RNF2: variants seen among roughly 807,000 people sequenced by gnomAD.
RNF2 encodes the protein ring finger protein 2.
RNF2 carries 6 observed loss-of-function variants against 37.2 expected under a neutral mutation model. The observed-to-expected ratio is 0.16, with a 90% CI of 0.09 to 0.32. The LOEUF (loss-of-function observed/expected upper bound fraction) is 0.32, where lower values mean the gene tolerates loss of function less well. RNF2 is among the 10% of genes least tolerant of loss of function. The probability of loss-of-function intolerance (pLI) is 1.00; values close to 1 mark genes in which losing one functional copy is unlikely to be tolerated. For synonymous variants in RNF2, 133 were observed against 132.7 expected (o/e 1.00, Z -0.02); for missense variants, 251 against 404.0 (o/e 0.62, Z 3.25).
chr1:185,055,460 C>T (rs1196383668), intron 1 of RNF2, among the ~76,000 whole-genome samples: 2 of 151,964 alleles, frequency 1.3e-5, no homozygotes, highest in Non-Finnish European at 2.9e-5. Context: ...TCACTTTGCT[C>T]CTCAGGCTGG....
intron 1 of RNF2, among the ~76,000 whole-genome samples, chr1:185,077,512 T>C (rs1355986203): frequency 1.3e-5 from 2 of 152,210 alleles, no homozygotes; most frequent in African/African-American, 2.4e-5. Flanking sequence ...ACGACTTTTA[T>C]TAGAAATAGT....
intron 1 of RNF2, among the ~76,000 whole-genome samples, chr1:185,076,293 T>G (rs1651158661): frequency 3.8e-5 from 3 of 78,288 alleles, no homozygotes; most frequent in African/African-American, 1.4e-4. Flanking sequence ...TTTTTTTTTT[T>G]TTTTTTTTTT....
chr1:185,082,524 A>T (rs1050140458), intron 1 of RNF2, among the ~76,000 whole-genome samples: 3 of 146,252 alleles, frequency 2.1e-5, no homozygotes, highest in African/African-American at 5.0e-5. Context: ...TAATTTTTTT[A>T]TTTTTTTTTT....
chr1:185,054,052 C>G (rs982301526), intron 1 of RNF2, among the ~76,000 whole-genome samples: 1 of 152,032 alleles, frequency 6.6e-6, no homozygotes, highest in Non-Finnish European at 1.5e-5. Context: ...AACATCTTCA[C>G]AAATGACTTT....
At chr1:185,051,956 A>ATG (rs1313643419) in intron 1 of RNF2, among the ~76,000 whole-genome samples, 2 of 147,386 alleles carry the variant, frequency 1.4e-5, no homozygotes, top group Non-Finnish European at 3.0e-5. Context: ...ATTTTTACAT[A>ATG]TATATATATA....
intron 1 of RNF2, among the ~76,000 whole-genome samples, chr1:185,059,352 A>C (rs886209883): frequency 1.3e-5 from 2 of 152,190 alleles, no homozygotes; most frequent in Admixed American, 1.3e-4. Context: ...TTTTGCCTTA[A>C]AACTGCTAAA....
intron 1 of RNF2, among the ~76,000 whole-genome samples, chr1:185,061,891 T>C (rs1257902686): frequency 6.6e-6 from 1 of 152,194 alleles, no homozygotes; most frequent in African/African-American, 2.4e-5. Context: ...GGTTTAAATT[T>C]ACAAATGAGG....
chr1:185,049,198 C>G (rs1028916676), intron 1 of RNF2, among the ~76,000 whole-genome samples: 1 of 152,090 alleles, frequency 6.6e-6, no homozygotes, highest in Non-Finnish European at 1.5e-5. Flanking sequence ...TCCTGGGTGA[C>G]GGAGCGAGAC....
intron 1 of RNF2, among the ~76,000 whole-genome samples, chr1:185,054,389 C>T (rs1273750271): frequency 6.6e-6 from 1 of 152,160 alleles, no homozygotes; most frequent in Non-Finnish European, 1.5e-5. Flanking sequence ...CCGGAGAGGA[C>T]GTGTCAAGGC....
At chr1:185,056,918 T>C (rs1029643300) in intron 1 of RNF2, among the ~76,000 whole-genome samples, 1 of 152,256 alleles carries the variant, frequency 6.6e-6, no homozygotes, top group Non-Finnish European at 1.5e-5. Flanking sequence ...TATATTTTGC[T>C]CTATTTTCCT....
At chr1:185,047,239 G>T (rs974943818) in intron 1 of RNF2, among the ~76,000 whole-genome samples, 3 of 152,182 alleles carry the variant, frequency 2.0e-5, no homozygotes, top group Non-Finnish European at 4.4e-5. Context: ...AAAATTGCCC[G>T]AGTCAGGCCA....
intron 1 of RNF2, among the ~76,000 whole-genome samples, chr1:185,055,464 A>G (rs1214515754): frequency 6.6e-6 from 1 of 152,046 alleles, no homozygotes; most frequent in Non-Finnish European, 1.5e-5. Flanking sequence ...TTTGCTCCTC[A>G]GGCTGGAGTG....
chr1:185,049,689 G>A (rs1213019926), intron 1 of RNF2, among the ~76,000 whole-genome samples: 2 of 151,698 alleles, frequency 1.3e-5, no homozygotes, highest in African/African-American at 2.4e-5. Flanking sequence ...AAAAGCGGGG[G>A]AGGGGGGAAC....
intron 1 of RNF2, among the ~76,000 whole-genome samples, chr1:185,062,006 G>T (rs1352079316): frequency 6.6e-6 from 1 of 152,206 alleles, no homozygotes; most frequent in Non-Finnish European, 1.5e-5. Flanking sequence ...GAAAATTTGT[G>T]CTTACTCCTG....
chr1:185,070,918 T>C (rs1650954030), intron 1 of RNF2, among the ~76,000 whole-genome samples: 1 of 152,200 alleles, frequency 6.6e-6, no homozygotes, highest in Non-Finnish European at 1.5e-5. Flanking sequence ...ATTACAGGCG[T>C]GAGCCACTGC....
intron 1 of RNF2, among the ~76,000 whole-genome samples, chr1:185,058,293 A>G (rs1650493595): frequency 6.6e-6 from 1 of 152,198 alleles, no homozygotes; most frequent in Non-Finnish European, 1.5e-5. Context: ...AGGGATTTGA[A>G]TATCTGTGGC....
chr1:185,048,317 C>A (rs1413801289), intron 1 of RNF2, among the ~76,000 whole-genome samples: 1 of 152,100 alleles, frequency 6.6e-6, no homozygotes, highest in Non-Finnish European at 1.5e-5. Flanking sequence ...CTTAATTCTC[C>A]TTTGCTTTAC....
chr1:185,095,109 C>T (rs1651875183), intron 4 of RNF2, among the ~76,000 whole-genome samples: 1 of 152,138 alleles, frequency 6.6e-6, no homozygotes, highest in South Asian at 2.1e-4. Flanking sequence ...CTCTGTTTAC[C>T]AAAGTATAAT....
intron 1 of RNF2, among the ~76,000 whole-genome samples, chr1:185,054,147 G>C (rs1462936173): frequency 1.3e-5 from 2 of 152,216 alleles, no homozygotes; most frequent in Non-Finnish European, 2.9e-5. Flanking sequence ...AACGTCTGTA[G>C]GTAATGCCAA....
Sources: gnomAD v4.1 joint callset for allele counts (sites outside exome capture counted in the v4.1 genomes callset) on GRCh38, gnomAD v4.1.1 for gene constraint, MANE v1.5 for transcripts, NCBI Gene and HGNC (gene_info 2026-07-23, HGNC 2026-07-21) for gene names.